CNTNAP2: variants seen among roughly 807,000 people sequenced by gnomAD.
CNTNAP2 encodes contactin associated protein 2, also known as contactin-associated protein-like 2.
CNTNAP2 carries 98 observed loss-of-function variants against 155.2 expected under a neutral mutation model. The observed-to-expected ratio is 0.63, with a 90% CI of 0.54 to 0.75. CNTNAP2 has a LOEUF of 0.75. Ranked by LOEUF, CNTNAP2 falls within the 30% of genes least tolerant of loss-of-function variation. The pLI is 0.00. For synonymous variants in CNTNAP2, 651 were observed against 631.2 expected (o/e 1.03, Z -0.47); for missense variants, 1,727 against 1,688.1 (o/e 1.02, Z -0.40).
intron 21 of CNTNAP2, among the ~76,000 whole-genome samples, chr7:148,327,316 G>A (rs1186913111): frequency 6.6e-6 from 1 of 152,182 alleles, no homozygotes; most frequent in Non-Finnish European, 1.5e-5. Context: ...TGATTTCCAA[G>A]GACAATTATT....
intron 1 of CNTNAP2, among the ~76,000 whole-genome samples, chr7:146,384,363 G>A (rs887930428): frequency 1.3e-5 from 2 of 152,106 alleles, no homozygotes; most frequent in Non-Finnish European, 2.9e-5. Context: ...TGATCAAGCA[G>A]TGAAGATATC....
rs542965533 is a variant in CNTNAP2, at chr7:146,922,226, A to G, written c.402+82322A>G. On this transcript the variant is annotated intron_variant, in intron 3 of 23. Transcript: ENST00000361727. ...CATTTCTGCCCTGTAATTCCTTCAC[A>G]TGTTATATGCTATGGGCAAAGAAAA... Among the ~76,000 whole-genome samples, 4 of 149,478 alleles carry G rather than the reference A, an allele frequency of 2.7e-5. No homozygotes were observed. The South Asian group carries it at 8.9e-4, about 33-fold the overall frequency.
intron 13 of CNTNAP2, among the ~76,000 whole-genome samples, chr7:147,867,566 C>A (rs1799255466): frequency 6.6e-6 from 1 of 152,118 alleles, no homozygotes; most frequent in South Asian, 2.1e-4. Flanking sequence ...TGTATTCTCC[C>A]CATTACTTTT....
intron 15 of CNTNAP2, among the ~76,000 whole-genome samples, chr7:148,100,134 T>G (rs1435377630): frequency 6.6e-6 from 1 of 152,050 alleles, no homozygotes; most frequent in East Asian, 1.9e-4. Flanking sequence ...CCTCCCAAAG[T>G]GCTGGGATTA....
chr7:146,548,879 A>C (rs1232744399), intron 1 of CNTNAP2, among the ~76,000 whole-genome samples: 4 of 125,272 alleles, frequency 3.2e-5, no homozygotes, highest in African/African-American at 1.2e-4. Context: ...CCAGTTGTCT[A>C]TCTTTGGTTA....
At chr7:147,630,613 A>G (rs969979305) in intron 12 of CNTNAP2, among the ~76,000 whole-genome samples, 3 of 152,214 alleles carry the variant, frequency 2.0e-5, no homozygotes, top group African/African-American at 7.2e-5. Context: ...CATATCAAAA[A>G]GATAATACAC....
chr7:147,345,952 T>C (rs1201239393), intron 9 of CNTNAP2, among the ~76,000 whole-genome samples: 1 of 152,134 alleles, frequency 6.6e-6, no homozygotes, highest in Admixed American at 6.5e-5. Context: ...TCAAGCTTAA[T>C]TAATTAATAG....
At chr7:146,283,443 G>T (rs962366401) in intron 1 of CNTNAP2, among the ~76,000 whole-genome samples, 1 of 152,108 alleles carries the variant, frequency 6.6e-6, no homozygotes, top group Non-Finnish European at 1.5e-5. Flanking sequence ...TCACAGGTGA[G>T]TGTAGTCTCA....
chr7:147,161,203 G>A (rs116661428), intron 8 of CNTNAP2, among the ~76,000 whole-genome samples: 123 of 152,182 alleles, frequency 8.1e-4, no homozygotes, highest in African/African-American at 2.8e-3. Flanking sequence ...AATCTCTATG[G>A]GGATGATGAA....
At chr7:147,685,078 A>G (rs1267210502) in intron 13 of CNTNAP2, among the ~76,000 whole-genome samples, 1 of 151,850 alleles carries the variant, frequency 6.6e-6, no homozygotes, top group Non-Finnish European at 1.5e-5. Flanking sequence ...TCAAAAATCT[A>G]TTTTCTCTTG....
At chr7:147,289,738 C>T (rs946314061) in intron 8 of CNTNAP2, among the ~76,000 whole-genome samples, 3 of 152,036 alleles carry the variant, frequency 2.0e-5, no homozygotes, top group Non-Finnish European at 4.4e-5. Flanking sequence ...AACATTTAGT[C>T]TTGGGGTAGT....
chr7:146,903,160 C>T (rs1796040839), intron 3 of CNTNAP2, among the ~76,000 whole-genome samples: 1 of 152,192 alleles, frequency 6.6e-6, no homozygotes, highest in Admixed American at 6.5e-5. Flanking sequence ...ATGCCAGACT[C>T]ACTTCTGTGG....
intron 15 of CNTNAP2, among the ~76,000 whole-genome samples, chr7:148,028,510 A>G (rs572846655): frequency 6.6e-6 from 1 of 152,310 alleles, no homozygotes; most frequent in East Asian, 1.9e-4. Context: ...CGGGAGGTCA[A>G]GGCTGCAGTG....
At chr7:146,857,291 G>A (rs2129204413) in intron 3 of CNTNAP2, among the ~76,000 whole-genome samples, 1 of 151,792 alleles carries the variant, frequency 6.6e-6, no homozygotes, top group East Asian at 1.9e-4. Context: ...AAGAGTAAAA[G>A]GACAAGTGTT....
At chr7:147,010,888 C>T (rs866099014) in intron 3 of CNTNAP2, among the ~76,000 whole-genome samples, 52 of 152,202 alleles carry the variant, frequency 3.4e-4, no homozygotes, top group African/African-American at 1.2e-3. Flanking sequence ...CTCCCCCCGC[C>T]CCAAATAATT....
At chr7:146,697,598 A>G (rs1296031213) in intron 1 of CNTNAP2, among the ~76,000 whole-genome samples, 3 of 152,142 alleles carry the variant, frequency 2.0e-5, no homozygotes, top group African/African-American at 4.8e-5. Context: ...TGAAATTTAT[A>G]TATTTACTCT....
intron 13 of CNTNAP2, among the ~76,000 whole-genome samples, chr7:147,685,714 C>A (rs1796008319): frequency 6.6e-6 from 1 of 151,768 alleles, no homozygotes; most frequent in Non-Finnish European, 1.5e-5. Context: ...AATTTAATAG[C>A]ATGACAGATG....
chr7:146,859,034 T>A (rs528153855), intron 3 of CNTNAP2, among the ~76,000 whole-genome samples: 1 of 152,336 alleles, frequency 6.6e-6, no homozygotes, highest in Non-Finnish European at 1.5e-5. Flanking sequence ...GCTGACACTA[T>A]ATGTTGACTC....
chr7:146,330,298 A>C (rs537420713), intron 1 of CNTNAP2, among the ~76,000 whole-genome samples: 4 of 152,142 alleles, frequency 2.6e-5, no homozygotes, highest in Non-Finnish European at 5.9e-5. Flanking sequence ...CTGGGATTAC[A>C]GGCGTGAGCC....
Sources: gnomAD v4.1 joint callset for allele counts (sites outside exome capture counted in the v4.1 genomes callset) on GRCh38, gnomAD v4.1.1 for gene constraint, MANE v1.5 for transcripts, NCBI Gene and HGNC (gene_info 2026-07-23, HGNC 2026-07-21) for gene names.